NR3C2: variants seen among roughly 807,000 people sequenced by gnomAD.
NR3C2 encodes mineralocorticoid receptor.
In NR3C2, 15 loss-of-function variants were observed where a neutral mutation model predicts 86.4. The observed-to-expected ratio is 0.17, with a 90% CI of 0.12 to 0.27. The LOEUF (loss-of-function observed/expected upper bound fraction) is 0.27. Ranked by LOEUF, NR3C2 falls within the 10% of genes least tolerant of loss-of-function variation. The pLI is 1.00. For synonymous variants in NR3C2, 458 were observed against 450.5 expected (o/e 1.02, Z -0.21); for missense variants, 960 against 1,195.6 (o/e 0.80, Z 2.91).
At chr4:148,414,258 T>C (rs1579270410) in intron 2 of NR3C2, among the ~76,000 whole-genome samples, 2 of 152,076 alleles carry the variant, frequency 1.3e-5, no homozygotes, top group Admixed American at 1.3e-4. Context: ...AAAATACAGA[T>C]GACATTCTTG....
At chr4:148,262,614 G>A (rs1393038857) in intron 2 of NR3C2, among the ~76,000 whole-genome samples, 2 of 152,030 alleles carry the variant, frequency 1.3e-5, no homozygotes, top group South Asian at 2.1e-4. Context: ...CTAGCCCTTA[G>A]TACCTTGTAA....
chr4:148,398,871 G>A (rs1251019615), intron 2 of NR3C2, among the ~76,000 whole-genome samples: 4 of 152,180 alleles, frequency 2.6e-5, no homozygotes, highest in South Asian at 2.1e-4. Flanking sequence ...ATGTGCATGC[G>A]CATGTTTGTG....
rs1732445596 is a variant in NR3C2 at position 148,120,058 on chromosome 4, G to A, written c.2641+100C>T. 4.6e-6 allele frequency: 7 copies of A among 1,509,978 alleles called. No individual in the cohort carries two copies. In the South Asian group the frequency reaches 7.9e-5, roughly 17 times the overall value. The allele number at this position is 1,509,978 out of a possible 1,614,324, so 93.5% of individuals were successfully genotyped here. A position where few individuals can be genotyped will look rare whatever the true frequency, so the allele number is the denominator to read the frequency against. On this transcript the variant is annotated intron_variant, in intron 7 of 8. Coordinates refer to ENST00000358102, the MANE Select transcript of NR3C2 (RefSeq NM_000901.5). The stretch of plus-strand genomic sequence containing the variant: ...CAGTGTTTCTGTTTGGTTTGTTTTT[G>A]TTTTGGTACCAACTACCTGAATACA...
At chr4:148,308,499 A>G (rs1579134168) in intron 2 of NR3C2, among the ~76,000 whole-genome samples, 1 of 152,148 alleles carries the variant, frequency 6.6e-6, no homozygotes, top group Non-Finnish European at 1.5e-5. Context: ...TAAACACTGC[A>G]TTACTCATAT....
At chr4:148,135,483 C>T (rs1056355644) in intron 6 of NR3C2, among the ~76,000 whole-genome samples, 1 of 152,184 alleles carries the variant, frequency 6.6e-6, no homozygotes, top group African/African-American at 2.4e-5. Flanking sequence ...GCACCTGCAA[C>T]TTGAACTTCT....
intron 6 of NR3C2, among the ~76,000 whole-genome samples, chr4:148,135,323 G>A (rs2149747009): frequency 6.6e-6 from 1 of 152,212 alleles, no homozygotes; most frequent in South Asian, 2.1e-4. Flanking sequence ...TGGGCTTAGG[G>A]CCTTTATAAA....
At chr4:148,373,282 G>A (rs1171526216) in intron 2 of NR3C2, among the ~76,000 whole-genome samples, 1 of 151,874 alleles carries the variant, frequency 6.6e-6, no homozygotes, top group Non-Finnish European at 1.5e-5. Flanking sequence ...ACCTTCTTAG[G>A]CAGTCTTGCA....
At chr4:148,235,200 T>C (rs930285478) in intron 3 of NR3C2, among the ~76,000 whole-genome samples, 4 of 151,610 alleles carry the variant, frequency 2.6e-5, no homozygotes, top group African/African-American at 9.7e-5. Context: ...CATGAGATGA[T>C]ACTAAGGAAA....
intron 2 of NR3C2, among the ~76,000 whole-genome samples, chr4:148,329,642 T>C (rs1292253771): frequency 6.6e-6 from 1 of 152,218 alleles, no homozygotes; most frequent in Non-Finnish European, 1.5e-5. Flanking sequence ...CATGTAGACA[T>C]TCACATACAA....
At chr4:148,305,578 C>T (rs1274721478) in intron 2 of NR3C2, among the ~76,000 whole-genome samples, 3 of 151,716 alleles carry the variant, frequency 2.0e-5, no homozygotes, top group South Asian at 4.2e-4. Context: ...TGTGAAACTC[C>T]TCTGAAAACC....
At chr4:148,391,918 A>T (rs1401812476) in intron 2 of NR3C2, among the ~76,000 whole-genome samples, 8 of 151,944 alleles carry the variant, frequency 5.3e-5, no homozygotes, top group Non-Finnish European at 8.8e-5. Context: ...AGACTTGAGA[A>T]TTTTTTATAC....
At chr4:148,385,321 C>T (rs1416728950) in intron 2 of NR3C2, among the ~76,000 whole-genome samples, 1 of 152,204 alleles carries the variant, frequency 6.6e-6, no homozygotes, top group Non-Finnish European at 1.5e-5. Flanking sequence ...CAGACAAGAC[C>T]TTCAAGGTCA....
intron 2 of NR3C2, among the ~76,000 whole-genome samples, chr4:148,383,218 A>T (rs1280329541): frequency 1.3e-5 from 2 of 152,204 alleles, no homozygotes; most frequent in African/African-American, 4.8e-5. Context: ...TTAAAGCTGC[A>T]ATTTTGAATG....
At chr4:148,362,928 A>C (rs2063555) in intron 2 of NR3C2, among the ~76,000 whole-genome samples, 19,365 of 152,180 alleles carry the variant, frequency 0.13, 1,312 homozygotes, top group Middle Eastern at 0.16. Context: ...TGCCGTTCAA[A>C]CACTTTTCAT....
In NR3C2 at chr4:148,283,067, CTG is replaced by C. The variant is rs574533638; in HGVS notation, c.1758-22952_1758-22951del. On this transcript the variant is annotated intron_variant, in intron 2 of 8. Coordinates refer to ENST00000358102, the MANE Select transcript of NR3C2 (RefSeq NM_000901.5). Reference sequence around the variant, plus strand: ...ACAAGGAAACGTTATTTAAAATAATCTGTGTGTTATAAGTGCAAACATATAGC... The same window carrying C: ...ACAAGGAAACGTTATTTAAAATAATCTGTGTTATAAGTGCAAACATATAGC... Among the ~76,000 whole-genome samples the C allele has an allele frequency of 4.7e-3, 721 of 152,282 alleles. 1 individual carries two copies. Among genetic ancestry groups the C allele is most frequent in the Non-Finnish European group, 8.3e-3 (567 of 68,020 alleles).
chr4:148,313,549 T>C (rs781022113), intron 2 of NR3C2, among the ~76,000 whole-genome samples: 30 of 152,176 alleles, frequency 2.0e-4, no homozygotes, highest in Non-Finnish European at 3.7e-4. Context: ...GAGGTAGATA[T>C]TATCGGTCGT....
intron 4 of NR3C2, among the ~76,000 whole-genome samples, chr4:148,160,101 A>G (rs1254185022): frequency 1.3e-5 from 2 of 152,164 alleles, no homozygotes; most frequent in African/African-American, 4.8e-5. Flanking sequence ...TGTTATAATA[A>G]CTAGTATGTG....
At chr4:148,385,362 G>A (rs927085422) in intron 2 of NR3C2, among the ~76,000 whole-genome samples, 3 of 152,156 alleles carry the variant, frequency 2.0e-5, no homozygotes, top group African/African-American at 7.2e-5. Flanking sequence ...ATAATGAAAA[G>A]CATTCATCCC....
chr4:148,089,002 A>G (rs1730943668), intron 8 of NR3C2, among the ~76,000 whole-genome samples: 1 of 152,214 alleles, frequency 6.6e-6, no homozygotes, highest in South Asian at 2.1e-4. Context: ...AGCTGGCAAT[A>G]TGAATGTCAC....
Sources: allele counts gnomAD v4.1 joint callset (sites outside exome capture counted in the v4.1 genomes callset), GRCh38; gene constraint gnomAD v4.1.1; transcripts MANE v1.5; gene names NCBI Gene and HGNC (gene_info 2026-07-23, HGNC 2026-07-21).